The following SMARCA5 variants were observed in gnomAD, a reference collection of about 807,000 sequenced individuals.
SMARCA5 encodes SNF2 related chromatin remodeling ATPase 5.
In SMARCA5, 18 loss-of-function variants were observed where a neutral mutation model predicts 140.4. The observed-to-expected ratio is 0.13, with a 90% CI of 0.09 to 0.19. SMARCA5 has a LOEUF of 0.19. Among genes scored for constraint, SMARCA5 ranks in the 10% least tolerant of loss-of-function variants. The pLI is 1.00. For missense variants in SMARCA5, 606 were observed against 1,276.8 expected (o/e 0.47, Z 8.01); for synonymous variants, 449 against 419.6 (o/e 1.07, Z -0.86).
chr4:143,533,615 C>T (rs928509975), intron 9 of SMARCA5, among the ~76,000 whole-genome samples: 3 of 149,464 alleles, frequency 2.0e-5, no homozygotes, highest in African/African-American at 7.4e-5. Context: ...TCACACCATT[C>T]TCCTGTCTCA....
At chr4:143,526,203 T>C (rs1737069029) in intron 5 of SMARCA5, 78 bp from the exon 6 acceptor site, 1 of 1,141,420 alleles carries the variant, frequency 8.8e-7, no homozygotes, top group African/African-American at 1.6e-5. Flanking sequence ...TTTTGAACAT[T>C]TCTATATGTT....
chr4:143,533,318 T>A (rs535571113), intron 9 of SMARCA5, among the ~76,000 whole-genome samples: 98 of 152,278 alleles, frequency 6.4e-4, no homozygotes, highest in Middle Eastern at 3.4e-3. Context: ...GACACAAAAA[T>A]GATTTCTAGA....
intron 23 of SMARCA5, among the ~76,000 whole-genome samples, chr4:143,551,752 C>G (rs751612140): frequency 3.3e-5 from 5 of 151,892 alleles, no homozygotes; most frequent in Non-Finnish European, 7.4e-5. Context: ...CTGTTCTTTT[C>G]CACTGTTGCA....
intron 23 of SMARCA5, among the ~76,000 whole-genome samples, chr4:143,550,761 C>G (rs549287125): frequency 1.1e-4 from 16 of 152,178 alleles, no homozygotes; most frequent in African/African-American, 3.8e-4. Context: ...ATTACAGGGT[C>G]TCATTGCTTA....
intron 16 of SMARCA5, 181 bp downstream of exon 16, chr4:143,544,153 G>A: frequency 2.6e-6 from 1 of 386,432 alleles, no homozygotes; most frequent in Non-Finnish European, 4.6e-6. Context: ...GGTAAGCTCT[G>A]AAATATTTTT....
chr4:143,529,930 A>G (rs1287558814), intron 8 of SMARCA5, among the ~76,000 whole-genome samples: 1 of 152,112 alleles, frequency 6.6e-6, no homozygotes, highest in African/African-American at 2.4e-5. Context: ...GATTATGTTT[A>G]CTCAAAAACA....
intron 14 of SMARCA5, among the ~76,000 whole-genome samples, chr4:143,542,477 C>T (rs1432180124): frequency 1.3e-5 from 2 of 152,172 alleles, no homozygotes; most frequent in East Asian, 1.9e-4. Flanking sequence ...GCAATGGTAG[C>T]ATCCAATCCA....
At chr4:143,533,632 C>T (rs1737245111) in intron 9 of SMARCA5, among the ~76,000 whole-genome samples, 1 of 151,834 alleles carries the variant, frequency 6.6e-6, no homozygotes, top group African/African-American at 2.4e-5. Flanking sequence ...CTCAGCCTCC[C>T]AAGTAGCTGG....
At chr4:143,536,243 G>GT (rs1452538046) in intron 10 of SMARCA5, among the ~76,000 whole-genome samples, 4 of 152,248 alleles carry the variant, frequency 2.6e-5, no homozygotes, top group Admixed American at 2.6e-4. Flanking sequence ...CAAGGCGTAA[G>GT]TATGAACATT....
rs1737471073 is a variant in SMARCA5 at position 143,543,627 on chromosome 4, C to T, written c.2022C>T (p.Ile674=). The change falls in exon 15 of 24, where the codon ATC becomes ATT. Residue 674 remains isoleucine (I), a synonymous_variant. Transcript: ENST00000283131. The part of the protein sequence containing the change: ...SKESEITDED[I]DGILERGAKK... ...AAAGTGAGATCACTGATGAAGATATCGATGGTATTTTGGAAAGAGGTGCAA... is the reference window on the plus strand; with the variant it reads ...AAAGTGAGATCACTGATGAAGATATTGATGGTATTTTGGAAAGAGGTGCAA... 3.7e-6 allele frequency: 6 copies of T among 1,612,566 alleles called. No individual in the cohort carries two copies. Among genetic ancestry groups the T allele is most frequent in the East Asian group, 2.2e-5 (1 of 44,778 alleles).
intron 10 of SMARCA5, 102 bp from the exon 11 acceptor site, chr4:143,536,350 G>T: frequency 1.3e-6 from 1 of 749,518 alleles, no homozygotes. Context: ...GTTTCTTACA[G>T]ATATTTGGGG....
At chr4:143,533,546 C>T (rs1346719323) in intron 9 of SMARCA5, among the ~76,000 whole-genome samples, 1 of 133,120 alleles carries the variant, frequency 7.5e-6, no homozygotes, top group Admixed American at 8.6e-5. Flanking sequence ...CTAGCTCTGT[C>T]GCCCAGGATG....
intron 14 of SMARCA5, among the ~76,000 whole-genome samples, chr4:143,542,007 GCCA>G (rs1737437910): frequency 6.6e-6 from 1 of 151,728 alleles, no homozygotes; most frequent in Non-Finnish European, 1.5e-5. Context: ...ACAGATGCCC[GCCA>G]CCACACCTGG....
chr4:143,524,532 T>C, intron 4 of SMARCA5, 65 bp downstream of exon 4: 1 of 1,032,076 alleles, frequency 9.7e-7, no homozygotes, highest in Admixed American at 2.0e-5. Flanking sequence ...GTTAATGTTT[T>C]GGATTTGTGT....
chr4:143,551,574 A>G (rs1250873635), intron 23 of SMARCA5, among the ~76,000 whole-genome samples: 8 of 152,034 alleles, frequency 5.3e-5, no homozygotes, highest in African/African-American at 2.4e-5. Context: ...ATTTTTTTAT[A>G]TAGTTAGGGA....
chr4:143,524,665 T>C (rs1253231957), intron 4 of SMARCA5, among the ~76,000 whole-genome samples, 198 bp downstream of exon 4: 1 of 152,226 alleles, frequency 6.6e-6, no homozygotes. Flanking sequence ...TTCAAAGTTA[T>C]ATAAAATGTC....
At chr4:143,539,255 C>T (rs563419329) in intron 13 of SMARCA5, among the ~76,000 whole-genome samples, 1 of 152,088 alleles carries the variant, frequency 6.6e-6, no homozygotes, top group Non-Finnish European at 1.5e-5. Flanking sequence ...CTCTCCACCC[C>T]CTTGATCAAA....
Position 143,513,758 on chromosome 4 carries a change from T to C in SMARCA5, c.-167T>C, listed in dbSNP as rs1736750638. 2 of 711,508 alleles carry C rather than the reference T, an allele frequency of 2.8e-6. No homozygotes were observed. Among genetic ancestry groups the C allele is most frequent in the East Asian group, 5.7e-5 (2 of 34,896 alleles). The allele number at this position is 711,508 out of a possible 1,614,324, so 44.1% of individuals were successfully genotyped here. On this transcript the variant is annotated 5_prime_UTR_variant, in exon 1 of 24. Transcript: ENST00000283131. The stretch of plus-strand genomic sequence containing the variant: ...AGAACGTTTGGGAGTGTGCAGCTCC[T>C]GGGCCCGGCTCAGGCCCGTCGCGGA...
intron 8 of SMARCA5, among the ~76,000 whole-genome samples, chr4:143,530,239 T>G (rs1340156389): frequency 6.6e-6 from 1 of 152,230 alleles, no homozygotes; most frequent in East Asian, 1.9e-4. Flanking sequence ...GTTATTTTGA[T>G]GTTTTTGAGA....
Sources: gnomAD v4.1 joint callset for allele counts (sites outside exome capture counted in the v4.1 genomes callset) on GRCh38, gnomAD v4.1.1 for gene constraint, MANE v1.5 for transcripts, NCBI Gene and HGNC (gene_info 2026-07-23, HGNC 2026-07-21) for gene names.